Variants in RBM10 observed in about 807,000 individuals in gnomAD.
RBM10 encodes RNA-binding protein 10.
In RBM10, 1 loss-of-function variant was observed where a neutral mutation model predicts 84.9. That is an observed-to-expected ratio of 0.01 (90% CI 0.00 to 0.06). The LOEUF is 0.06. Ranked by LOEUF, RBM10 falls within the 10% of genes least tolerant of loss-of-function variation. The probability of loss-of-function intolerance (pLI) is 1.00; values close to 1 mark genes in which losing one functional copy is unlikely to be tolerated. For synonymous variants in RBM10, 326 were observed against 344.5 expected (o/e 0.95, Z 0.60); for missense variants, 438 against 839.0 (o/e 0.52, Z 5.90).
In RBM10 at chrX:47,186,520, C is replaced by T. The variant is rs1556782873; in HGVS notation, c.2714C>T (p.Ser905Phe). Residue 905 changes from serine to phenylalanine, a missense_variant, in exon 24 of 24, where the codon TCC (serine) becomes TTC (phenylalanine). Ser to Phe is a radical substitution (Grantham distance 155). Coordinates refer to ENST00000377604, the MANE Select transcript of RBM10 (RefSeq NM_005676.5). The stretch of plus-strand genomic sequence containing the variant: ...TCCGGCCTGGGTGCACGGGGCAGCT[C>T]CTACGGGGTCACCTCAACCGAGTCC... ...RGSGLGARGSSYGVTSTESYK... is the reference protein window; with the variant it reads ...RGSGLGARGSFYGVTSTESYK... 8.3e-7 allele frequency: 1 copy of T among 1,210,735 alleles called. No individual in the cohort carries two copies. The highest frequency in any genetic ancestry group is 1.1e-6 in the Non-Finnish European group (1 of 894,902).
At chrX:47,173,070 C>T (rs1437141644) in intron 4 of RBM10, 58 bp from the exon 5 acceptor site, 146 of 1,208,981 alleles carry the variant, frequency 1.2e-4, no homozygotes, top group Non-Finnish European at 1.6e-4. Flanking sequence ...CAGCCAGCCT[C>T]AGGTACCCAG....
chrX:47,161,523 T>G (rs1194660687), intron 2 of RBM10, among the ~76,000 whole-genome samples: 2 of 61,797 alleles, frequency 3.2e-5, no homozygotes, highest in African/African-American at 7.4e-5. Flanking sequence ...GTTTTTTTTT[T>G]TTTTTTTTTT....
At chrX:47,177,625 T>C (rs868914308) in intron 7 of RBM10, among the ~76,000 whole-genome samples, 76 of 110,218 alleles carry the variant, frequency 6.9e-4, no homozygotes, top group African/African-American at 2.4e-3. Flanking sequence ...AATTCTCTTT[T>C]TTTTTTTTTT....
At chrX:47,177,602 C>T (rs782022151) in intron 7 of RBM10, among the ~76,000 whole-genome samples, 67 of 109,009 alleles carry the variant, frequency 6.1e-4, no homozygotes, top group Middle Eastern at 9.3e-3. Flanking sequence ...TCCAGATAGC[C>T]TCAAAACCAG....
chrX:47,174,031 G>C (rs1302385277), intron 5 of RBM10, among the ~76,000 whole-genome samples: 3 of 98,230 alleles, frequency 3.1e-5, no homozygotes, highest in Non-Finnish European at 6.0e-5. Context: ...TGAACATTAA[G>C]CATGCCCCCC....
rs184282556 is a variant in RBM10 at position 47,186,247 on chromosome X, C to G, written c.2538-11C>G. Reference sequence around the variant, plus strand: ...CAGGCCGACCACTCATGCTGTGCACCGCCCCTGCAGAGACTTCGAGCAGCC... The same window carrying G: ...CAGGCCGACCACTCATGCTGTGCACGGCCCCTGCAGAGACTTCGAGCAGCC... On this transcript the variant is annotated splice_polypyrimidine_tract_variant and intron_variant, in intron 22 of 23. Transcript: ENST00000377604. The G allele has an allele frequency of 8.3e-7, 1 of 1,209,308 alleles. No individual in the cohort carries two copies. Among genetic ancestry groups the G allele is most frequent in the Non-Finnish European group, 1.1e-6 (1 of 894,276 alleles).
intron 11 of RBM10, 32 bp from the exon 12 acceptor site, chrX:47,180,387 A>G (rs1556778563): frequency 2.9e-6 from 3 of 1,048,596 alleles, no homozygotes; most frequent in South Asian, 3.7e-5. Flanking sequence ...GGGGCCTCCT[A>G]TCTCACTCCC....
chrX:47,185,402 G>A (rs2147214721), intron 19 of RBM10, 35 bp downstream of exon 19: 2 of 1,179,649 alleles, frequency 1.7e-6, no homozygotes, highest in Non-Finnish European at 2.3e-6. Context: ...CGGGGGCTCT[G>A]ATCTGGCCAG....
chrX:47,162,716 A>C (rs1933826799), intron 2 of RBM10, among the ~76,000 whole-genome samples: 2 of 110,490 alleles, frequency 1.8e-5, no homozygotes, highest in South Asian at 7.8e-4. Context: ...TCTACTAAAA[A>C]TGCAAAAATT....
At chrX:47,166,013 C>T (rs1223557979) in intron 2 of RBM10, among the ~76,000 whole-genome samples, 5 of 108,894 alleles carry the variant, frequency 4.6e-5, no homozygotes, top group African/African-American at 1.7e-4. Flanking sequence ...GAGCGAGACT[C>T]CATCTCAAAA....
At position 47,186,356 on chromosome X, in the gene RBM10, G is replaced by T. The variant is rs782214369; in HGVS notation, c.2636G>T (p.Arg879Leu). The part of the protein sequence containing the change: ...MGWKEGSGLG[R>L]KKQGIVTPIE... Reference sequence around the variant, plus strand: ...TGGAAAGAGGGCAGCGGCCTGGGCCGCAAGAAGCAGGGCATTGTAACGCCT... The same window carrying T: ...TGGAAAGAGGGCAGCGGCCTGGGCCTCAAGAAGCAGGGCATTGTAACGCCT... Residue 879 changes from arginine (R) to leucine (L), a missense_variant, in exon 23 of 24, where the codon CGC becomes CTC. Around this residue, in one of 8 missense-constraint regions of RBM10, gnomAD observed 92 missense variants for 199.9 expected, o/e 0.46. Transcript: ENST00000377604. 1 of 1,196,733 alleles carries T rather than the reference G, an allele frequency of 8.4e-7. No individual in the cohort carries two copies. The highest frequency in any genetic ancestry group is 2.3e-5 in the Admixed American group (1 of 43,788).
At position 47,179,460 on chromosome X, in the gene RBM10, A is replaced by G. The variant is rs1935374085; in HGVS notation, c.866A>G (p.Gln289Arg). Residue 289 changes from glutamine (Q) to arginine (R), a missense_variant, in exon 9 of 24, where the codon CAG becomes CGG. Gln to Arg is a conservative substitution (Grantham distance 43). Coordinates refer to ENST00000377604, the MANE Select transcript of RBM10 (RefSeq NM_005676.5). The part of the protein sequence containing the change: ...QGVLASQALS[Q>R]GSEPSSENAN... ...GTCCTGGCCTCCCAAGCCCTGTCAC[A>G]GGGCTCGGAGCCAAGCTCAGAGAAC... The G allele has an allele frequency of 1.7e-6, 2 of 1,202,686 alleles. No individual in the cohort carries two copies. Among genetic ancestry groups the G allele is most frequent in the African/African-American group, 1.7e-5 (1 of 57,846 alleles).
Position 47,186,695 on chromosome X carries a change from C to T in RBM10, c.*96C>T, listed in dbSNP as rs782054772. 5.9e-5 allele frequency: 64 copies of T among 1,080,676 alleles called. No individual in the cohort carries two copies. The East Asian group carries it at 1.6e-3, about 28-fold the overall frequency. The allele number at this position is 1,080,676 out of a possible 1,213,427, so 89.1% of individuals were successfully genotyped here. A position where few individuals can be genotyped will look rare whatever the true frequency, so the allele number is the denominator to read the frequency against. On this transcript the variant is annotated 3_prime_UTR_variant, in exon 24 of 24. Transcript: ENST00000377604. ...GGCTGGGACGGGGCCTTGCTCTTGT[C>T]GGCCAGCCCACTCCCCAGCCAGAGA...
intron 2 of RBM10, among the ~76,000 whole-genome samples, chrX:47,166,815 G>A (rs1183006094): frequency 9.7e-6 from 1 of 102,713 alleles, no homozygotes; most frequent in African/African-American, 3.6e-5. Context: ...TCGCTCTGTC[G>A]CCCAAGCTGG....
chrX:47,158,832 C>T (rs782574222), intron 2 of RBM10, among the ~76,000 whole-genome samples: 95 of 112,266 alleles, frequency 8.5e-4, no homozygotes, highest in African/African-American at 2.8e-3. Context: ...CCCACCTTCC[C>T]GGTCTAGTGA....
chrX:47,157,083 C>A, intron 2 of RBM10: 1 of 276,094 alleles, frequency 3.6e-6, no homozygotes, highest in Non-Finnish European at 6.9e-6. Context: ...CCGCAGGGCC[C>A]GGGGGAGTTC....
chrX:47,161,551 G>C (rs1556766776), intron 2 of RBM10, among the ~76,000 whole-genome samples: 1 of 93,877 alleles, frequency 1.1e-5, no homozygotes, highest in Admixed American at 1.2e-4. Context: ...GAGAGAGAGA[G>C]AGAGAGAGAG....
At position 47,186,777 on chromosome X, in the gene RBM10, C is replaced by A; in HGVS notation, c.*178C>A. The A allele has an allele frequency of 1.7e-6, 1 of 571,942 alleles. No homozygotes were observed. The highest frequency in any genetic ancestry group is 2.8e-5 in the Admixed American group (1 of 36,046). The allele number at this position is 571,942 out of a possible 1,213,427, so 47.1% of individuals were successfully genotyped here. A position where few individuals can be genotyped will look rare whatever the true frequency, so the allele number is the denominator to read the frequency against. ...TTTTGTTGGAAAATTGGGCTGGGAT[C>A]ACGTCCTGTTTTGTAATAAAAGCTG... On this transcript the variant is annotated 3_prime_UTR_variant, in exon 24 of 24. Coordinates refer to ENST00000377604, the MANE Select transcript of RBM10 (RefSeq NM_005676.5).
Position 47,179,304 on chromosome X carries a change from C to T in RBM10, c.725-15C>T, listed in dbSNP as rs1556777698. ...TTCCCCTTATCACCAGCCTGTCTCC[C>T]ACTGCCCCTGACAGAGGCAGAGCAG... On this transcript the variant is annotated splice_polypyrimidine_tract_variant and intron_variant, in intron 8 of 23. Coordinates refer to ENST00000377604, the MANE Select transcript of RBM10 (RefSeq NM_005676.5). 6 of 1,195,249 alleles carry T rather than the reference C, an allele frequency of 5.0e-6. No homozygotes were observed. The highest frequency in any genetic ancestry group is 6.8e-6 in the Non-Finnish European group (6 of 887,970).
Sources: gnomAD v4.1 joint callset for allele counts (sites outside exome capture counted in the v4.1 genomes callset) on GRCh38, gnomAD v4.1.1 for gene constraint, gnomAD v4.1.1 regional missense constraint, MANE v1.5 for transcripts, NCBI Gene and HGNC (gene_info 2026-07-23, HGNC 2026-07-21) for gene names.